The following FGF14 variants were observed in gnomAD, a reference collection of about 807,000 sequenced individuals.
The protein encoded by FGF14 is fibroblast growth factor 14.
Under a neutral mutation model 25.5 loss-of-function variants are expected in FGF14, and 5 were observed. That is an observed-to-expected ratio of 0.20 (90% CI 0.10 to 0.41). FGF14 has a LOEUF of 0.41. FGF14 is among the 10% of genes least tolerant of loss of function. The pLI is 1.00. For synonymous variants in FGF14, 138 were observed against 118.3 expected (o/e 1.17, Z -1.08); for missense variants, 222 against 320.1 (o/e 0.69, Z 2.34).
At chr13:101,944,159 CAAAGAGGCATG>C (rs1301604531) in intron 1 of FGF14, among the ~76,000 whole-genome samples, 2 of 151,940 alleles carry the variant, frequency 1.3e-5, no homozygotes, top group African/African-American at 4.8e-5. Context: ...GTTTTATGGC[CAAAGAGGCATG>C]AATACTTAAA....
intron 1 of FGF14, among the ~76,000 whole-genome samples, chr13:101,965,710 A>G (rs1368079871): frequency 6.6e-6 from 1 of 151,780 alleles, no homozygotes; most frequent in Non-Finnish European, 1.5e-5. Flanking sequence ...GAAAGAAAAA[A>G]CCAAAAATCT....
At chr13:101,765,271 A>G (rs2038301725) in intron 3 of FGF14, among the ~76,000 whole-genome samples, 1 of 152,206 alleles carries the variant, frequency 6.6e-6, no homozygotes, top group Admixed American at 6.5e-5. Flanking sequence ...ATTGACTACT[A>G]AAAAACTCAC....
intron 3 of FGF14, among the ~76,000 whole-genome samples, chr13:101,843,963 A>T (rs941213918): frequency 2.0e-5 from 3 of 152,058 alleles, no homozygotes; most frequent in South Asian, 4.1e-4. Flanking sequence ...CCCTAATAGG[A>T]GACCTAAAAT....
At chr13:102,158,181 A>T (rs1025290221) in intron 1 of FGF14, among the ~76,000 whole-genome samples, 4 of 152,234 alleles carry the variant, frequency 2.6e-5, no homozygotes. Context: ...TATATACCCA[A>T]AGGATTATAA....
chr13:102,121,856 A>G (rs2045743514), intron 1 of FGF14, among the ~76,000 whole-genome samples: 1 of 152,242 alleles, frequency 6.6e-6, no homozygotes, highest in African/African-American at 2.4e-5. Flanking sequence ...GCAATTAAAC[A>G]TAAAATCCAA....
chr13:102,201,401 G>C (rs1487810129), intron 1 of FGF14, among the ~76,000 whole-genome samples: 2 of 152,098 alleles, frequency 1.3e-5, no homozygotes, highest in African/African-American at 2.4e-5. Flanking sequence ...AATGCCCTTA[G>C]TGTACAAAGG....
intron 3 of FGF14, among the ~76,000 whole-genome samples, chr13:101,822,272 C>T (rs1288607589): frequency 6.6e-6 from 1 of 152,104 alleles, no homozygotes; most frequent in Non-Finnish European, 1.5e-5. Context: ...GGCCATTCCA[C>T]ACCCACTGAA....
upstream of FGF14, among the ~76,000 whole-genome samples, chr13:101,920,246 T>C (rs1159464652): frequency 1.3e-5 from 2 of 152,204 alleles, no homozygotes; most frequent in Non-Finnish European, 2.9e-5. Context: ...CAGAACCTCC[T>C]TGGAGTTGTT....
intron 1 of FGF14, among the ~76,000 whole-genome samples, chr13:101,880,551 G>A (rs1168202255): frequency 6.6e-6 from 1 of 152,140 alleles, no homozygotes; most frequent in East Asian, 1.9e-4. Flanking sequence ...GGCAACAAGA[G>A]CAAAACTCCA....
intron 1 of FGF14, among the ~76,000 whole-genome samples, chr13:102,279,383 C>A (rs2053713788): frequency 6.6e-6 from 1 of 152,092 alleles, no homozygotes; most frequent in Non-Finnish European, 1.5e-5. Flanking sequence ...TACCTTTTGG[C>A]TATTAAACTA....
chr13:102,396,569 G>A (rs1395153503), intron 1 of FGF14, among the ~76,000 whole-genome samples: 51 of 152,144 alleles, frequency 3.4e-4, no homozygotes, highest in Admixed American at 3.3e-3. Context: ...GACTGGGTTC[G>A]AACATTTTAA....
intron 1 of FGF14, among the ~76,000 whole-genome samples, chr13:102,290,601 A>G (rs935999761): frequency 2.6e-5 from 4 of 152,166 alleles, no homozygotes; most frequent in South Asian, 2.1e-4. Flanking sequence ...TCTGGTGCCA[A>G]CTACCAACTT....
At chr13:102,099,601 A>G (rs1050916427) in intron 1 of FGF14, among the ~76,000 whole-genome samples, 3 of 152,116 alleles carry the variant, frequency 2.0e-5, no homozygotes. Context: ...TCAAAGTCAT[A>G]TAATAAGCAA....
intron 1 of FGF14, among the ~76,000 whole-genome samples, chr13:102,052,577 C>T (rs1277582592): frequency 1.1e-4 from 17 of 151,436 alleles, no homozygotes; most frequent in Admixed American, 9.2e-4. Flanking sequence ...AATAAGGCAG[C>T]AGTGAATTTT....
At chr13:102,078,521 A>C (rs1253596810) in intron 1 of FGF14, among the ~76,000 whole-genome samples, 1 of 152,232 alleles carries the variant, frequency 6.6e-6, no homozygotes, top group Non-Finnish European at 1.5e-5. Context: ...GAATATGTGC[A>C]ATCTGTATCG....
intron 3 of FGF14, among the ~76,000 whole-genome samples, chr13:101,849,819 G>T (rs2043656758): frequency 6.6e-6 from 1 of 151,982 alleles, no homozygotes; most frequent in Non-Finnish European, 1.5e-5. Flanking sequence ...ATGAGCACCA[G>T]GTCAAACTCC....
chr13:102,120,301 A>G (rs2045659155), intron 1 of FGF14, among the ~76,000 whole-genome samples: 2 of 152,208 alleles, frequency 1.3e-5, no homozygotes, highest in South Asian at 4.1e-4. Context: ...CCTAGGGAAA[A>G]AAGCAAAGAA....
chr13:101,764,130 A>C (rs957741976), intron 3 of FGF14, among the ~76,000 whole-genome samples: 2 of 152,168 alleles, frequency 1.3e-5, no homozygotes, highest in African/African-American at 4.8e-5. Flanking sequence ...GTTGGCACTG[A>C]GTGGAAATAA....
At chr13:102,144,509 T>G (rs1009091134) in intron 1 of FGF14, among the ~76,000 whole-genome samples, 2 of 152,038 alleles carry the variant, frequency 1.3e-5, no homozygotes, top group African/African-American at 2.4e-5. Flanking sequence ...ATAAAGTAAA[T>G]TATTGATTTA....
Sources: allele counts gnomAD v4.1 joint callset (sites outside exome capture counted in the v4.1 genomes callset), GRCh38; gene constraint gnomAD v4.1.1; transcripts MANE v1.5; gene names NCBI Gene and HGNC (gene_info 2026-07-23, HGNC 2026-07-21).